Variants in OR6C1 observed in about 807,000 individuals in gnomAD.
The protein encoded by OR6C1 is olfactory receptor family 6 subfamily C member 1.
For synonymous variants in OR6C1, 157 were observed against 133.3 expected (o/e 1.18, Z -1.22); for missense variants, 386 against 366.1 (o/e 1.05, Z -0.44).
In OR6C1 at chr12:55,322,136, G is replaced by A. The variant is rs572011411; in HGVS notation, c.*598G>A. On this transcript the variant is annotated 3_prime_UTR_variant, in exon 2 of 2. Transcript: ENST00000642104. Reference sequence around the variant, plus strand: ...GTGCTAAGTAGAGCTCCATATTTGTGAATCCCATAATATTCTCTCTGTAGA... The same window carrying A: ...GTGCTAAGTAGAGCTCCATATTTGTAAATCCCATAATATTCTCTCTGTAGA... The A allele has an allele frequency of 6.6e-6, 1 of 151,988 alleles. No homozygotes were observed. The highest frequency in any genetic ancestry group is 1.5e-5 in the Non-Finnish European group (1 of 67,918). The allele number at this position is 151,988 out of a possible 1,614,324, so 9.4% of individuals were successfully genotyped here. A position where few individuals can be genotyped will look rare whatever the true frequency, so the allele number is the denominator to read the frequency against.
chr12:55,321,211 T>C lies in OR6C1; in HGVS notation c.612T>C (p.Thr204=), dbSNP rs1379178876. The change falls in exon 2 of 2, where the codon ACT becomes ACC. Residue 204 remains threonine (T), a synonymous_variant. Transcript: ENST00000642104. ...TGGGATTTTCTTGTGCTGCGTTTAC[T>C]CTAATGTTCACTTTGGCATTAATAT... ...EVMGFSCAAF[T]LMFTLALIFL... is the part of the protein sequence containing the mutation. The C allele has an allele frequency of 1.2e-6, 2 of 1,613,894 alleles. No individual in the cohort carries two copies. The highest frequency in any genetic ancestry group is 1.1e-5 in the South Asian group (1 of 91,080).
At position 55,322,188 on chromosome 12, in the gene OR6C1, G is replaced by A. The variant is rs191052612; in HGVS notation, c.*650G>A. ...TGACAGATGATGGATAGACACATAT[G>A]CAAATACATACATAAGTTTTGTCAA... On this transcript the variant is annotated 3_prime_UTR_variant, in exon 2 of 2. Transcript: ENST00000642104. 25 of 152,004 alleles carry A rather than the reference G, an allele frequency of 1.6e-4. No individual in the cohort carries two copies. The highest frequency in any genetic ancestry group is 6.0e-4 in the African/African-American group (25 of 41,544). 9.4% of individuals were successfully genotyped at this position (152,004 alleles called of 1,614,324 possible).
At chr12:55,317,774 G>T (rs1477251952) in intron 1 of OR6C1, among the ~76,000 whole-genome samples, 1 of 151,750 alleles carries the variant, frequency 6.6e-6, no homozygotes, top group East Asian at 1.9e-4. Context: ...TGTTGTAAGT[G>T]TGATGAGTTG....
chr12:55,314,832 T>C (rs1364208830), intron 1 of OR6C1, among the ~76,000 whole-genome samples: 1 of 151,670 alleles, frequency 6.6e-6, no homozygotes, highest in Non-Finnish European at 1.5e-5. Context: ...TATAGCTATA[T>C]AGTACTGTGC....
At chr12:55,315,183 C>T (rs1461745020) in intron 1 of OR6C1, among the ~76,000 whole-genome samples, 1 of 151,604 alleles carries the variant, frequency 6.6e-6, no homozygotes, top group Non-Finnish European at 1.5e-5. Flanking sequence ...CTTGAAATTT[C>T]AACTCTGTTT....
Position 55,320,694 on chromosome 12 carries a change from C to A in OR6C1, c.95C>A (p.Thr32Asn). 1 of 1,613,272 alleles carries A rather than the reference C, an allele frequency of 6.2e-7. No homozygotes were observed. The highest frequency in any genetic ancestry group is 1.1e-5 in the South Asian group (1 of 91,062). Residue 32 changes from threonine (T) to asparagine (N), a missense_variant, in exon 2 of 2, where the codon ACC becomes AAC. Transcript: ENST00000642104. Reference sequence around the variant, plus strand: ...GTAATCTTTGTCTTCCTGCTCATCACCTACATGCTCAGCATCACTGGGAAC... The same window carrying A: ...GTAATCTTTGTCTTCCTGCTCATCAACTACATGCTCAGCATCACTGGGAAC... ...QVVIFVFLLI[T>N]YMLSITGNLT...
chr12:55,321,390 A>G lies in OR6C1; in HGVS notation c.791A>G (p.Asp264Gly), dbSNP rs779594807. The G allele has an allele frequency of 3.3e-5, 53 of 1,613,838 alleles. No individual in the cohort carries two copies. The highest frequency in any genetic ancestry group is 1.1e-5 in the South Asian group (1 of 91,080). Residue 264 changes from aspartate (D) to glycine (G), a missense_variant, in exon 2 of 2, where the codon GAT becomes GGT. Coordinates refer to ENST00000642104, the MANE Select transcript of OR6C1 (RefSeq NM_001005182.2). The stretch of plus-strand genomic sequence containing the variant: ...ATGTACATTAAACCCTCAGCAAAAG[A>G]TAGAGTGTCCTTGAGCAAGGGAGTG... Reference protein sequence around the residue: ...IFMYIKPSAKDRVSLSKGVAI... With the variant: ...IFMYIKPSAKGRVSLSKGVAI...
Position 55,320,757 on chromosome 12 carries a change from T to C in OR6C1, c.158T>C (p.Leu53Pro), listed in dbSNP as rs750961205. Residue 53 changes from leucine (L) to proline (P), a missense_variant, in exon 2 of 2, where the codon CTG becomes CCG. Leu to Pro is a moderately conservative substitution (Grantham distance 98, BLOSUM62 -3). Coordinates refer to ENST00000642104, the MANE Select transcript of OR6C1 (RefSeq NM_001005182.2). ...LITITLLDSHLQTPMYFFLRN... is the reference protein window; with the variant it reads ...LITITLLDSHPQTPMYFFLRN... ...ACAATTACCCTGCTGGATTCCCACC[T>C]GCAGACCCCCATGTATTTCTTCCTC... 1.2e-6 allele frequency: 2 copies of C among 1,614,122 alleles called. No homozygotes were observed. Among genetic ancestry groups the C allele is most frequent in the East Asian group, 4.5e-5 (2 of 44,876 alleles).
rs774352247 is a variant in OR6C1 at position 55,321,538 on chromosome 12, A to G, written c.939A>G (p.Ter313TrpextTer5). 20 of 1,601,978 alleles carry G rather than the reference A, an allele frequency of 1.2e-5. No individual in the cohort carries two copies. In the African/African-American group the frequency reaches 2.5e-4, roughly 20 times the overall value. ...AGACTGTATTTTTCACAAGCACATGAAATGGTATGGTGTGATGAATTAGAG... is the reference window on the plus strand; with the variant it reads ...AGACTGTATTTTTCACAAGCACATGGAATGGTATGGTGTGATGAATTAGAG... ...ARKTVFFTST* is the reference protein window; with the variant it reads ...ARKTVFFTSTW The change falls in exon 2 of 2, where the codon TGA becomes TGG. Residue 313 changes from the stop codon to tryptophan (W), a stop_lost. Transcript: ENST00000642104.
chr12:55,320,714 G>A lies in OR6C1; in HGVS notation c.115G>A (p.Gly39Arg), dbSNP rs759076824. 3.1e-6 allele frequency: 5 copies of A among 1,613,820 alleles called. No homozygotes were observed. In the South Asian group the frequency reaches 3.3e-5, roughly 11 times the overall value. The change falls in exon 2 of 2, where the codon GGG becomes AGG. Residue 39 changes from glycine to arginine, a missense_variant. Transcript: ENST00000642104. ...LLITYMLSIT[G>R]NLTLITITLL... ...CATCACCTACATGCTCAGCATCACTGGGAACCTGACCCTTATCACAATTAC... is the reference window on the plus strand; with the variant it reads ...CATCACCTACATGCTCAGCATCACTAGGAACCTGACCCTTATCACAATTAC...
At chr12:55,319,800 A>T (rs903340307) in intron 1 of OR6C1, among the ~76,000 whole-genome samples, 6 of 152,152 alleles carry the variant, frequency 3.9e-5, no homozygotes, top group African/African-American at 1.4e-4. Flanking sequence ...GACCCAACCC[A>T]ATCCATACAA....
chr12:55,318,715 A>G (rs1022092581), intron 1 of OR6C1, among the ~76,000 whole-genome samples: 9 of 149,938 alleles, frequency 6.0e-5, no homozygotes, highest in Non-Finnish European at 1.2e-4. Context: ...GCTAATATAT[A>G]TTAAGTTATA....
chr12:55,320,988 G>T lies in OR6C1; in HGVS notation c.389G>T (p.Cys130Phe). The T allele has an allele frequency of 1.2e-6, 2 of 1,613,624 alleles. No individual in the cohort carries two copies. Among genetic ancestry groups the T allele is most frequent in the South Asian group, 2.2e-5 (2 of 91,058 alleles). ...RYVAICKPLH[C>F]LSIMNRRVCT... ...GTGGCCATCTGCAAGCCTCTGCATT[G>T]CTTGAGTATCATGAATCGAAGAGTC... Residue 130 changes from cysteine (C) to phenylalanine (F), a missense_variant, in exon 2 of 2, where the codon TGC becomes TTC. Physicochemically the swap from Cys to Phe is radical, Grantham distance 205 (BLOSUM62 -2). Coordinates refer to ENST00000642104, the MANE Select transcript of OR6C1 (RefSeq NM_001005182.2).
rs1868577731 is a variant in OR6C1, at chr12:55,322,111, G to A, written c.*573G>A. On this transcript the variant is annotated 3_prime_UTR_variant, in exon 2 of 2. Coordinates refer to ENST00000642104, the MANE Select transcript of OR6C1 (RefSeq NM_001005182.2). ...ATCAATATATACTTTTTTGTTATAA[G>A]TGCTAAGTAGAGCTCCATATTTGTG... 6.6e-6 allele frequency: 1 copy of A among 151,892 alleles called. No individual in the cohort carries two copies. The highest frequency in any genetic ancestry group is 1.5e-5 in the Non-Finnish European group (1 of 67,914). 9.4% of individuals were successfully genotyped at this position (151,892 alleles called of 1,614,324 possible). A position where few individuals can be genotyped will look rare whatever the true frequency, so the allele number is the denominator to read the frequency against.
At chr12:55,317,627 C>A (rs111323015) in intron 1 of OR6C1, among the ~76,000 whole-genome samples, 5,377 of 151,842 alleles carry the variant, frequency 0.035, 327 homozygotes, top group African/African-American at 0.12. Flanking sequence ...AATTAATTAA[C>A]TAGATGAGTG....
At chr12:55,319,903 G>T (rs1255750911) in intron 1 of OR6C1, among the ~76,000 whole-genome samples, 4 of 152,190 alleles carry the variant, frequency 2.6e-5, no homozygotes, top group Non-Finnish European at 5.9e-5. Context: ...CACTTTGGGA[G>T]GCCAAGGGGC....
At chr12:55,317,437 A>G (rs940537629) in intron 1 of OR6C1, among the ~76,000 whole-genome samples, 1 of 152,044 alleles carries the variant, frequency 6.6e-6, no homozygotes, top group African/African-American at 2.4e-5. Context: ...AATTTAGCCA[A>G]TACGGTGAAC....
At chr12:55,318,264 G>GTGTGT (rs1555172683) in intron 1 of OR6C1, among the ~76,000 whole-genome samples, 2 of 132,830 alleles carry the variant, frequency 1.5e-5, no homozygotes, top group African/African-American at 6.7e-5. Context: ...GTGTGTGTGT[G>GTGTGT]GTGGTGGTGG....
In OR6C1 at chr12:55,321,789, A is replaced by C. The variant is rs1053840121; in HGVS notation, c.*251A>C. 1 of 315,884 alleles carries C rather than the reference A, an allele frequency of 3.2e-6. No individual in the cohort carries two copies. The highest frequency in any genetic ancestry group is 5.8e-6 in the Non-Finnish European group (1 of 173,554). The allele number at this position is 315,884 out of a possible 1,614,324, so 19.6% of individuals were successfully genotyped here. ...CAAGAATATTTTGAAAACTAAAATT[A>C]TTCTTCAGTTTACTTCAAGAAATAA... On this transcript the variant is annotated 3_prime_UTR_variant, in exon 2 of 2. Transcript: ENST00000642104.
Sources: gnomAD v4.1 joint callset for allele counts (sites outside exome capture counted in the v4.1 genomes callset) on GRCh38, gnomAD v4.1.1 for gene constraint, MANE v1.5 for transcripts, NCBI Gene and HGNC (gene_info 2026-07-23, HGNC 2026-07-21) for gene names.